Variants in PDE1A observed in about 807,000 individuals in gnomAD.
The protein encoded by PDE1A is phosphodiesterase 1A.
A neutral mutation model predicts 61.7 loss-of-function variants in PDE1A; 35 were observed. The ratio of observed to expected loss-of-function variants is 0.57; its 90% CI spans 0.43 to 0.75. The LOEUF is 0.75. PDE1A is among the 30% of genes least tolerant of loss of function. The pLI is 0.00. For missense variants in PDE1A, 597 were observed against 630.6 expected, an observed-to-expected ratio of 0.95 and a Z score of 0.57; for synonymous variants, 232 against 213.2, an observed-to-expected ratio of 1.09 and a Z score of -0.77.
the PDE1A span, among the ~76,000 whole-genome samples, chr2:182,592,370 T>C: frequency 6.6e-6 from 1 of 152,198 alleles, no homozygotes; most frequent in Non-Finnish European, 1.5e-5. Context: ...GTTCAAAGAA[T>C]GAATTATGGG....
chr2:182,649,133 G>T, the PDE1A span, among the ~76,000 whole-genome samples: 27 of 152,170 alleles, frequency 1.8e-4, no homozygotes, highest in Non-Finnish European at 7.3e-5. Context: ...ATAGAAAGAA[G>T]AAAATGAGAT....
At chr2:182,266,616 C>T (rs1179506126) in intron 1 of PDE1A, among the ~76,000 whole-genome samples, 1 of 152,186 alleles carries the variant, frequency 6.6e-6, no homozygotes, top group African/African-American at 2.4e-5. Context: ...AAAAACACTA[C>T]ATTTTCTAAG....
At chr2:182,617,021 C>G in the PDE1A span, among the ~76,000 whole-genome samples, 1 of 152,186 alleles carries the variant, frequency 6.6e-6, no homozygotes, top group Non-Finnish European at 1.5e-5. Flanking sequence ...TAATCTTGCC[C>G]AAACAGAGGT....
chr2:182,396,775 T>C (rs996246987), intron 1 of PDE1A, among the ~76,000 whole-genome samples: 5 of 152,210 alleles, frequency 3.3e-5, no homozygotes, highest in Admixed American at 6.5e-5. Flanking sequence ...CTTATTATTG[T>C]CTTTATTTGA....
intron 13 of PDE1A, 67 bp from the exon 14 acceptor site, chr2:182,147,219 A>T (rs1441344354): frequency 3.6e-6 from 3 of 826,126 alleles, no homozygotes; most frequent in African/African-American, 1.7e-5. Flanking sequence ...TAATAAGGTT[A>T]GGAGACTGAA....
the PDE1A span, among the ~76,000 whole-genome samples, chr2:182,689,733 T>A: frequency 2.0e-5 from 3 of 152,030 alleles, no homozygotes; most frequent in African/African-American, 7.2e-5. Flanking sequence ...AATCAATGAA[T>A]CCAGTAGCTG....
intron 2 of PDE1A, among the ~76,000 whole-genome samples, chr2:182,443,222 C>A (rs915201746): frequency 1.3e-5 from 2 of 151,638 alleles, no homozygotes; most frequent in Non-Finnish European, 2.9e-5. Flanking sequence ...AAAAAAAACC[C>A]TTAAGGATAA....
intron 13 of PDE1A, 151 bp from the exon 14 acceptor site, chr2:182,147,303 C>G (rs1481868651): frequency 7.5e-6 from 4 of 531,062 alleles, no homozygotes; most frequent in South Asian, 5.7e-5. Context: ...CACCAAACAT[C>G]TTCCTTTCAG....
Position 182,270,777 on chromosome 2 carries a change from G to A in PDE1A, c.54-6363C>T, listed in dbSNP as rs141968520. ...GCCATAAGCAGAAGCGCATGAAATC[G>A]CATAAATAGAAACTATCAGAACAAG... On this transcript the variant is annotated intron_variant, in intron 1 of 13. Transcript: ENST00000351439. Among the ~76,000 whole-genome samples, 65 of 151,416 alleles carry A rather than the reference G, an allele frequency of 4.3e-4. 1 individual carries two copies. Among genetic ancestry groups the A allele is most frequent in the African/African-American group, 1.4e-3 (58 of 41,430 alleles).
chr2:182,335,121 A>G (rs1265656474), intron 1 of PDE1A, among the ~76,000 whole-genome samples: 1 of 152,218 alleles, frequency 6.6e-6, no homozygotes, highest in African/African-American at 2.4e-5. Flanking sequence ...AAGAGAGGAC[A>G]CAAACAAATG....
intron 7 of PDE1A, among the ~76,000 whole-genome samples, chr2:182,213,027 T>C (rs1316400367): frequency 4.0e-5 from 6 of 150,086 alleles, no homozygotes; most frequent in Middle Eastern, 6.8e-3. Context: ...GTCTGACAGC[T>C]TTGAAGAGAG....
upstream of PDE1A, among the ~76,000 whole-genome samples, chr2:182,427,505 A>C (rs1233035584): frequency 6.6e-6 from 1 of 152,178 alleles, no homozygotes; most frequent in Non-Finnish European, 1.5e-5. Flanking sequence ...GGAAACACAC[A>C]CACACATCCA....
chr2:182,362,933 G>A (rs1424600678), intron 1 of PDE1A, among the ~76,000 whole-genome samples: 1 of 152,044 alleles, frequency 6.6e-6, no homozygotes, highest in South Asian at 2.1e-4. Flanking sequence ...GATGGGCCTG[G>A]AGACCATTAT....
intron 2 of PDE1A, among the ~76,000 whole-genome samples, chr2:182,259,876 A>AT (rs1385208113): frequency 6.6e-6 from 1 of 152,120 alleles, no homozygotes; most frequent in Non-Finnish European, 1.5e-5. Flanking sequence ...AATCGAACAT[A>AT]TTTTTTTAGG....
the PDE1A span, among the ~76,000 whole-genome samples, chr2:182,656,690 T>A: frequency 6.6e-6 from 1 of 152,242 alleles, no homozygotes; most frequent in African/African-American, 2.4e-5. Flanking sequence ...TTAAACTGTA[T>A]TAGGCATACC....
the PDE1A span, among the ~76,000 whole-genome samples, chr2:182,616,643 A>G: frequency 6.6e-6 from 1 of 152,200 alleles, no homozygotes; most frequent in African/African-American, 2.4e-5. Flanking sequence ...CAGACTCCCC[A>G]GGAGAGGACA....
the PDE1A span, among the ~76,000 whole-genome samples, chr2:182,552,214 C>A: frequency 6.6e-6 from 1 of 152,242 alleles, no homozygotes; most frequent in Non-Finnish European, 1.5e-5. Context: ...ACATATAATG[C>A]CTTTCCAAAC....
chr2:182,336,193 T>G (rs1697796866), intron 1 of PDE1A, among the ~76,000 whole-genome samples: 1 of 152,150 alleles, frequency 6.6e-6, no homozygotes, highest in African/African-American at 2.4e-5. Flanking sequence ...GTTCAACCAT[T>G]GTGGAAGACA....
chr2:182,315,559 C>T (rs1696285125), intron 1 of PDE1A, among the ~76,000 whole-genome samples: 1 of 152,166 alleles, frequency 6.6e-6, no homozygotes, highest in Non-Finnish European at 1.5e-5. Flanking sequence ...CTTCTGGGCT[C>T]CTTGTGAGGA....
Sources: gnomAD v4.1 joint callset for allele counts (sites outside exome capture counted in the v4.1 genomes callset) on GRCh38, gnomAD v4.1.1 for gene constraint, MANE v1.5 for transcripts, NCBI Gene and HGNC (gene_info 2026-07-23, HGNC 2026-07-21) for gene names.